The following PSD3 variants were observed in gnomAD, a reference collection of about 807,000 sequenced individuals.
The protein encoded by PSD3 is pleckstrin and Sec7 domain containing 3.
In PSD3, 49 loss-of-function variants were observed where a neutral mutation model predicts 105.5. The observed-to-expected ratio is 0.46, with a 90% CI of 0.37 to 0.59. The LOEUF is 0.59. Ranked by LOEUF, PSD3 falls within the 20% of genes least tolerant of loss-of-function variation. The pLI is 0.00. For synonymous variants in PSD3, 557 were observed against 457.8 expected (o/e 1.22, Z -2.77); for missense variants, 1,561 against 1,263.8 (o/e 1.24, Z -3.57).
At chr8:19,077,379 A>T (rs1011434771) in intron 1 of PSD3, among the ~76,000 whole-genome samples, 1 of 152,224 alleles carries the variant, frequency 6.6e-6, no homozygotes, top group Admixed American at 6.5e-5. Context: ...AAAAGTTAAA[A>T]TGGACTAAAT....
chr8:18,715,325 T>C (rs7009615), intron 9 of PSD3, among the ~76,000 whole-genome samples: 32,401 of 151,870 alleles, frequency 0.21, 5,020 homozygotes, highest in African/African-American at 0.42. Context: ...TAATGACCCA[T>C]TAATAGGTTA....
At chr8:18,771,049 G>A (rs1406672039) in intron 8 of PSD3, among the ~76,000 whole-genome samples, 1 of 152,324 alleles carries the variant, frequency 6.6e-6, no homozygotes, top group South Asian at 2.1e-4. Context: ...TATGCTGTCA[G>A]ACTGTCCCTC....
intron 2 of PSD3, among the ~76,000 whole-genome samples, chr8:18,932,571 G>C (rs1423680260): frequency 1.3e-5 from 2 of 152,186 alleles, no homozygotes; most frequent in African/African-American, 4.8e-5. Flanking sequence ...GGCTATGAGA[G>C]AGACTGGATT....
At chr8:18,767,852 C>G (rs10503632) in intron 8 of PSD3, among the ~76,000 whole-genome samples, 8,332 of 152,102 alleles carry the variant, frequency 0.055, 478 homozygotes, top group East Asian at 0.22. Flanking sequence ...CAAGGTCACG[C>G]TATTCTTTCG....
chr8:18,538,326 T>C (rs1799948904), intron 15 of PSD3, among the ~76,000 whole-genome samples: 1 of 152,228 alleles, frequency 6.6e-6, no homozygotes, highest in Non-Finnish European at 1.5e-5. Context: ...CATGATAGTT[T>C]CATAAGGTTT....
chr8:18,905,747 T>C (rs574172868), intron 2 of PSD3, among the ~76,000 whole-genome samples: 10 of 152,304 alleles, frequency 6.6e-5, no homozygotes, highest in African/African-American at 1.7e-4. Flanking sequence ...ATACCTATCA[T>C]AGTATTCTGA....
At chr8:19,053,397 T>C (rs190790425) in intron 1 of PSD3, among the ~76,000 whole-genome samples, 7 of 152,152 alleles carry the variant, frequency 4.6e-5, no homozygotes, top group Admixed American at 1.3e-4. Context: ...GAGAGAATGC[T>C]GGGACAGAGT....
chr8:18,636,722 T>C lies in PSD3; in HGVS notation c.2217-3916A>G, dbSNP rs141774729. On this transcript the variant is annotated intron_variant, in intron 10 of 15. Transcript: ENST00000327040. Reference sequence around the variant, plus strand: ...TTTTGATTACTGTTTGTTTTCTGTTTAGATATACAAATACCATTGTGTTAC... The same window carrying C: ...TTTTGATTACTGTTTGTTTTCTGTTCAGATATACAAATACCATTGTGTTAC... Among the ~76,000 whole-genome samples, 226 of 152,360 alleles carry C rather than the reference T, an allele frequency of 1.5e-3. 1 individual carries two copies. Among genetic ancestry groups the C allele is most frequent in the African/African-American group, 5.1e-3 (212 of 41,588 alleles).
intron 4 of PSD3, among the ~76,000 whole-genome samples, chr8:18,811,693 A>G (rs775368189): frequency 6.6e-6 from 1 of 152,160 alleles, no homozygotes; most frequent in Non-Finnish European, 1.5e-5. Context: ...CCAAGCCCAG[A>G]GAAGGCCCAA....
chr8:18,873,335 T>G (rs1817516438), intron 2 of PSD3, among the ~76,000 whole-genome samples: 1 of 152,188 alleles, frequency 6.6e-6, no homozygotes, highest in Non-Finnish European at 1.5e-5. Context: ...AATGAGAAAC[T>G]TAGTGTGTTG....
chr8:18,726,251 T>C (rs1355118306), intron 9 of PSD3, among the ~76,000 whole-genome samples: 1 of 152,202 alleles, frequency 6.6e-6, no homozygotes, highest in Non-Finnish European at 1.5e-5. Flanking sequence ...TACACTGACA[T>C]CGATGAGCTA....
At chr8:18,795,527 T>C (rs1810097638) in intron 8 of PSD3, among the ~76,000 whole-genome samples, 1 of 152,260 alleles carries the variant, frequency 6.6e-6, no homozygotes, top group Non-Finnish European at 1.5e-5. Context: ...TACCATGGCC[T>C]GACCTTGGCC....
chr8:18,762,072 A>C (rs1234882225), intron 9 of PSD3, among the ~76,000 whole-genome samples: 1 of 152,176 alleles, frequency 6.6e-6, no homozygotes, highest in Non-Finnish European at 1.5e-5. Context: ...AGGCCATCTG[A>C]CATGGTTTGT....
chr8:18,815,656 C>A (rs367600724), intron 4 of PSD3, among the ~76,000 whole-genome samples: 1 of 152,182 alleles, frequency 6.6e-6, no homozygotes, highest in Non-Finnish European at 1.5e-5. Context: ...TCCTATAGCA[C>A]AGGCGTTGCT....
chr8:19,048,474 C>G (rs1002094599), intron 1 of PSD3, among the ~76,000 whole-genome samples: 8 of 152,228 alleles, frequency 5.3e-5, no homozygotes, highest in African/African-American at 1.7e-4. Context: ...TGAAAGGGGG[C>G]TCAGCTGCTG....
chr8:18,716,155 C>G (rs1317353691), intron 9 of PSD3, among the ~76,000 whole-genome samples: 1 of 151,608 alleles, frequency 6.6e-6, no homozygotes, highest in Non-Finnish European at 1.5e-5. Context: ...CATGATTTAT[C>G]AGGTATTAAA....
At chr8:18,550,271 C>T (rs1800682323) in intron 15 of PSD3, among the ~76,000 whole-genome samples, 2 of 152,186 alleles carry the variant, frequency 1.3e-5, no homozygotes, top group Non-Finnish European at 2.9e-5. Flanking sequence ...TGTTGCTAGG[C>T]TCCGCTTCTC....
chr8:18,735,567 A>G (rs137930740), intron 9 of PSD3, among the ~76,000 whole-genome samples: 2 of 152,290 alleles, frequency 1.3e-5, no homozygotes, highest in East Asian at 3.9e-4. Flanking sequence ...GGTAGGTTCT[A>G]CAAGCACAGT....
chr8:18,922,687 G>A (rs1437575943), intron 2 of PSD3, among the ~76,000 whole-genome samples: 1 of 152,130 alleles, frequency 6.6e-6, no homozygotes, highest in Non-Finnish European at 1.5e-5. Flanking sequence ...TAAAGCCGTA[G>A]GTTGTTTCAC....
Sources: gnomAD v4.1 joint callset for allele counts (sites outside exome capture counted in the v4.1 genomes callset) on GRCh38, gnomAD v4.1.1 for gene constraint, MANE v1.5 for transcripts, NCBI Gene and HGNC (gene_info 2026-07-23, HGNC 2026-07-21) for gene names.